The following MAPK6 variants were observed in gnomAD, a reference collection of about 807,000 sequenced individuals.
MAPK6 encodes ERK-3.
In MAPK6, 19 loss-of-function variants were observed where a neutral mutation model predicts 59.3. The ratio of observed to expected loss-of-function variants is 0.32; its 90% CI spans 0.22 to 0.47. MAPK6 has a LOEUF of 0.47. Ranked by LOEUF, MAPK6 falls within the 20% of genes least tolerant of loss-of-function variation. The probability of loss-of-function intolerance (pLI) is 1.00; values close to 1 mark genes in which losing one functional copy is unlikely to be tolerated. For missense variants in MAPK6, 724 were observed against 847.9 expected (o/e 0.85, Z 1.81); for synonymous variants, 316 against 290.3 (o/e 1.09, Z -0.90).
intron 2 of MAPK6, among the ~76,000 whole-genome samples, chr15:52,003,511 G>C (rs1472135916): frequency 1.3e-5 from 2 of 152,236 alleles, no homozygotes; most frequent in African/African-American, 4.8e-5. Context: ...TGACAGCTGT[G>C]TGCTGAGCAC....
chr15:52,006,751 C>G (rs759479746), intron 3 of MAPK6, among the ~76,000 whole-genome samples: 12 of 152,132 alleles, frequency 7.9e-5, no homozygotes, highest in Non-Finnish European at 1.5e-5. Flanking sequence ...CCCTTCATAT[C>G]TACCAGAGCA....
intron 1 of MAPK6, among the ~76,000 whole-genome samples, chr15:52,043,487 G>A (rs111900300): frequency 0.016 from 2,361 of 151,860 alleles, 65 homozygotes; most frequent in African/African-American, 0.055. Flanking sequence ...TAGTAGAGAC[G>A]GGGTTTCTCC....
At chr15:52,022,676 T>A (rs1156552151) in intron 1 of MAPK6, among the ~76,000 whole-genome samples, 2 of 152,082 alleles carry the variant, frequency 1.3e-5, no homozygotes, top group Non-Finnish European at 1.5e-5. Flanking sequence ...TTAAAAAAAA[T>A]TTCCTACTAG....
intron 1 of MAPK6, among the ~76,000 whole-genome samples, chr15:51,972,606 G>C: frequency 9.2e-6 from 1 of 108,120 alleles, no homozygotes; most frequent in Admixed American, 1.1e-4. Context: ...GGTGGATCAC[G>C]AGGTCAGGAG....
chr15:52,023,529 C>T (rs1462532641), intron 1 of MAPK6, among the ~76,000 whole-genome samples: 2 of 152,188 alleles, frequency 1.3e-5, no homozygotes, highest in African/African-American at 4.8e-5. Flanking sequence ...TGATTTGGGC[C>T]TAGTCCAGCA....
intron 2 of MAPK6, among the ~76,000 whole-genome samples, chr15:52,049,351 A>ATTT (rs60965378): frequency 6.4e-5 from 7 of 109,724 alleles, no homozygotes; most frequent in African/African-American, 2.4e-4. Flanking sequence ...GAGTTATATA[A>ATTT]TTTTTTTTTT....
rs541397063 is a variant in MAPK6, at chr15:52,064,753, A to C, written c.1919A>C (p.Glu640Ala). The C allele has an allele frequency of 6.2e-7, 1 of 1,611,820 alleles. No individual in the cohort carries two copies. The highest frequency in any genetic ancestry group is 1.1e-5 in the South Asian group (1 of 90,974). Residue 640 changes from glutamate to alanine, a missense_variant, in exon 6 of 6, where the codon GAA becomes GCA. Physicochemically the swap from Glu to Ala is moderately radical, Grantham distance 107 (BLOSUM62 -1). This residue lies in a region of MAPK6 where 502 missense variants were observed against 507.6 expected (regional missense o/e 0.99). Coordinates refer to ENST00000261845, the MANE Select transcript of MAPK6 (RefSeq NM_002748.4). ...DKFFSRKEDT[E>A]MLETEPVEDG... ...TTCTTTAGCAGGAAAGAAGATACTG[A>C]AATGCTAGAAACTGAGCCAGTAGAG...
At chr15:52,014,256 C>T (rs979984936), upstream of MAPK6, among the ~76,000 whole-genome samples, 6 of 152,150 alleles carry the variant, frequency 3.9e-5, no homozygotes, top group Admixed American at 2.6e-4. Flanking sequence ...CTCCTGCATT[C>T]CTCCACTATG....
chr15:52,023,106 C>CAAA lies in MAPK6; in HGVS notation c.-632+3750_-632+3752dup, dbSNP rs60315520. 5.7e-3 allele frequency among the ~76,000 whole-genome samples: 409 copies of CAAA among 71,470 alleles called. 6 individuals are homozygous for CAAA. Among genetic ancestry groups the CAAA allele is most frequent in the African/African-American group, 0.011 (196 of 18,378 alleles). 46.9% of individuals were successfully genotyped at this position (71,470 alleles called of 152,430 possible). A position where few individuals can be genotyped will look rare whatever the true frequency, so the allele number is the denominator to read the frequency against. On this transcript the variant is annotated intron_variant, in intron 1 of 5. Transcript: ENST00000261845. ...TGGGTGACAGAGCGAGACTCCGTCT[C>CAAA]AAAAAAAAAAAAAAAAAAAAAACCG...
At chr15:51,999,935 T>C (rs1012300992) in intron 2 of MAPK6, among the ~76,000 whole-genome samples, 3 of 152,168 alleles carry the variant, frequency 2.0e-5, no homozygotes, top group Admixed American at 1.3e-4. Flanking sequence ...TGAGCCACCA[T>C]GCCTGACCTA....
At chr15:51,974,394 C>T (rs1478601909) in intron 1 of MAPK6, among the ~76,000 whole-genome samples, 2 of 151,464 alleles carry the variant, frequency 1.3e-5, no homozygotes, top group African/African-American at 2.4e-5. Context: ...CGGTGGCTCA[C>T]CCCTGTAATC....
chr15:51,980,684 GGGT>G (rs2057170379), intron 1 of MAPK6, among the ~76,000 whole-genome samples: 1 of 150,942 alleles, frequency 6.6e-6, no homozygotes, highest in Non-Finnish European at 1.5e-5. Flanking sequence ...TCCACCTCCT[GGGT>G]TCAAGCGACT....
chr15:52,045,497 C>T (rs1595996391), intron 1 of MAPK6, among the ~76,000 whole-genome samples: 3 of 152,184 alleles, frequency 2.0e-5, no homozygotes, highest in East Asian at 3.9e-4. Flanking sequence ...ATAGATGTTA[C>T]TAACGTTTTA....
upstream of MAPK6, chr15:52,017,369 T>C (rs1329567904): frequency 6.6e-6 from 1 of 152,132 alleles, no homozygotes; most frequent in Non-Finnish European, 1.5e-5. Context: ...AGGAATCTTC[T>C]TAAGGATGGG....
At chr15:52,039,136 T>C (rs560385901) in intron 1 of MAPK6, among the ~76,000 whole-genome samples, 3 of 152,206 alleles carry the variant, frequency 2.0e-5, no homozygotes, top group South Asian at 2.1e-4. Context: ...CCTCAGCTCC[T>C]GAGTAGCTGA....
At chr15:52,015,783 C>G (rs530380365), upstream of MAPK6, among the ~76,000 whole-genome samples, 1 of 146,984 alleles carries the variant, frequency 6.8e-6, no homozygotes, top group South Asian at 2.3e-4. Flanking sequence ...CCGGGCTGGG[C>G]GTGGTGGCTC....
upstream of MAPK6, among the ~76,000 whole-genome samples, chr15:52,015,189 T>G (rs187758156): frequency 9.0e-3 from 1,367 of 151,960 alleles, 24 homozygotes; most frequent in Non-Finnish European, 8.7e-3. Context: ...TTAGTAGAGA[T>G]GGGGTTTCAC....
intron 3 of MAPK6, among the ~76,000 whole-genome samples, chr15:52,053,560 T>TC (rs764012784): frequency 1.3e-5 from 2 of 152,160 alleles, no homozygotes; most frequent in African/African-American, 2.4e-5. Flanking sequence ...CAGTTTTTTT[T>TC]CCCTTTCTTT....
intron 3 of MAPK6, among the ~76,000 whole-genome samples, chr15:52,055,575 G>C (rs1321095950): frequency 6.6e-6 from 1 of 152,214 alleles, no homozygotes; most frequent in Non-Finnish European, 1.5e-5. Flanking sequence ...GAGTGCAGTT[G>C]CATGAGCTCA....
Sources: gnomAD v4.1 joint callset for allele counts (sites outside exome capture counted in the v4.1 genomes callset) on GRCh38, gnomAD v4.1.1 for gene constraint, gnomAD v4.1.1 regional missense constraint, MANE v1.5 for transcripts, NCBI Gene and HGNC (gene_info 2026-07-23, HGNC 2026-07-21) for gene names.